The following S100PBP variants were observed in gnomAD, a reference collection of about 807,000 sequenced individuals.
The protein encoded by S100PBP is S100P binding protein.
A neutral mutation model predicts 39.9 loss-of-function variants in S100PBP; 15 were observed. The observed-to-expected ratio is 0.38, with a 90% confidence interval of 0.25 to 0.58. The LOEUF (loss-of-function observed/expected upper bound fraction) is 0.58. S100PBP is among the 20% of genes least tolerant of loss of function. The pLI is 0.70. For synonymous variants in S100PBP, 178 were observed against 180.3 expected, an observed-to-expected ratio of 0.99 and a Z score of 0.10; for missense variants, 504 against 487.3, an observed-to-expected ratio of 1.03 and a Z score of -0.32.
intron 5 of S100PBP, 135 bp from the exon 6 acceptor site, chr1:32,852,944 C>A: frequency 1.6e-6 from 1 of 617,648 alleles, no homozygotes; most frequent in Non-Finnish European, 2.9e-6. Context: ...TTTCTGTGCT[C>A]ACTGCTTGTG....
Position 32,826,883 on chromosome 1 carries a change from T to C in S100PBP, c.784T>C (p.Ser262Pro). ...CTGCAGAAATGGTGGTTCACACAAGTCAAGTTGTGAAATGAGATCTCTGGT... is the reference window on the plus strand; with the variant it reads ...CTGCAGAAATGGTGGTTCACACAAGCCAAGTTGTGAAATGAGATCTCTGGT... ...LSCRNGGSHK[S>P]SCEMRSLVVS... Residue 262 changes from serine to proline, a missense_variant, in exon 3 of 7, where the codon TCA (serine) becomes CCA (proline). Ser to Pro is a moderately conservative substitution (Grantham distance 74, BLOSUM62 -1). Transcript: ENST00000373475. The C allele has an allele frequency of 6.2e-7, 1 of 1,606,764 alleles. No individual in the cohort carries two copies. Among genetic ancestry groups the C allele is most frequent in the South Asian group, 1.1e-5 (1 of 89,158 alleles).
chr1:32,830,654 T>A (rs1639554072), intron 5 of S100PBP, among the ~76,000 whole-genome samples: 2 of 152,196 alleles, frequency 1.3e-5, no homozygotes, highest in Non-Finnish European at 2.9e-5. Context: ...CCTGAACTAT[T>A]GGCTGATGGG....
intron 1 of S100PBP, chr1:32,818,982 G>A (rs1351402684): frequency 1.3e-5 from 2 of 152,258 alleles, no homozygotes; most frequent in East Asian, 3.8e-4. Context: ...GAGCTTGAAA[G>A]AGGATGTGGG....
chr1:32,829,256 C>A (rs1639480502), intron 4 of S100PBP, among the ~76,000 whole-genome samples: 1 of 152,164 alleles, frequency 6.6e-6, no homozygotes, highest in Non-Finnish European at 1.5e-5. Flanking sequence ...ATTGCTCTCA[C>A]CAAGGTCACC....
chr1:32,848,843 G>A (rs17464373), intron 5 of S100PBP, among the ~76,000 whole-genome samples: 15,808 of 152,168 alleles, frequency 0.1, 920 homozygotes, highest in Admixed American at 0.17. Flanking sequence ...AATATTGGGG[G>A]TTTTTCCCTC....
chr1:32,822,529 A>C (rs972648516), intron 1 of S100PBP, among the ~76,000 whole-genome samples: 2 of 149,268 alleles, frequency 1.3e-5, no homozygotes, highest in African/African-American at 2.5e-5. Flanking sequence ...AAGCAGGAGA[A>C]TGGTGTGAAC....
At chr1:32,846,010 G>A (rs1640357746) in intron 5 of S100PBP, among the ~76,000 whole-genome samples, 1 of 150,668 alleles carries the variant, frequency 6.6e-6, no homozygotes, top group South Asian at 2.1e-4. Flanking sequence ...TTTTTTTTGA[G>A]ATGGAGTCTC....
At chr1:32,839,804 C>A (rs191155794) in intron 5 of S100PBP, among the ~76,000 whole-genome samples, 2 of 151,988 alleles carry the variant, frequency 1.3e-5, no homozygotes, top group Non-Finnish European at 2.9e-5. Flanking sequence ...ACCACTGCAC[C>A]CAGACTATTT....
At chr1:32,853,637 G>T (rs112910053) in intron 6 of S100PBP, among the ~76,000 whole-genome samples, 3 of 151,788 alleles carry the variant, frequency 2.0e-5, no homozygotes, top group Admixed American at 6.6e-5. Context: ...AGTAGCTCAC[G>T]CCTGTAATTC....
At chr1:32,822,837 T>C (rs551389947) in intron 1 of S100PBP, among the ~76,000 whole-genome samples, 1 of 152,262 alleles carries the variant, frequency 6.6e-6, no homozygotes, top group East Asian at 1.9e-4. Context: ...TTGCAATGGT[T>C]ACGAAGGATA....
At chr1:32,817,611 C>T (rs1638795633), upstream of S100PBP, 2 of 347,298 alleles carry the variant, frequency 5.8e-6, no homozygotes, top group Admixed American at 4.1e-5. Context: ...TAGGGGAGGT[C>T]GGGGAGGGGG....
At chr1:32,846,571 A>G (rs781499155) in intron 5 of S100PBP, among the ~76,000 whole-genome samples, 1 of 151,626 alleles carries the variant, frequency 6.6e-6, no homozygotes, top group Non-Finnish European at 1.5e-5. Context: ...CTTACTGCCT[A>G]TACCTCTTTG....
intron 2 of S100PBP, among the ~76,000 whole-genome samples, 155 bp from the exon 3 acceptor site, chr1:32,825,943 T>C (rs150272315): frequency 1.3e-5 from 2 of 152,360 alleles, no homozygotes; most frequent in East Asian, 3.9e-4. Flanking sequence ...TATTTCCATG[T>C]TTCTGGTAAG....
intron 5 of S100PBP, among the ~76,000 whole-genome samples, chr1:32,831,445 G>T (rs1305062962): frequency 1.3e-5 from 2 of 151,910 alleles, no homozygotes; most frequent in Non-Finnish European, 2.9e-5. Flanking sequence ...GGTTTTAGGA[G>T]AATTTTTGGT....
At position 32,826,721 on chromosome 1, in the gene S100PBP, A is replaced by C; in HGVS notation, c.622A>C (p.Asn208His). 1.2e-6 allele frequency: 2 copies of C among 1,614,142 alleles called. No homozygotes were observed. Among genetic ancestry groups the C allele is most frequent in the Non-Finnish European group, 1.7e-6 (2 of 1,180,008 alleles). The part of the protein sequence containing the change: ...EGISPNNSAW[N>H]GPQLSSSNNN... The stretch of plus-strand genomic sequence containing the variant: ...GATCAGCCCCAATAACTCTGCCTGG[A>C]ATGGGCCCCAGCTCTCTTCTTCAAA... The change falls in exon 3 of 7, where the codon AAT becomes CAT. Residue 208 changes from asparagine to histidine, a missense_variant. Physicochemically the swap from Asn to His is moderately conservative, Grantham distance 68 (BLOSUM62 1). Coordinates refer to ENST00000373475, the MANE Select transcript of S100PBP (RefSeq NM_022753.4).
At chr1:32,827,390 A>T (rs1019959350) in intron 3 of S100PBP, among the ~76,000 whole-genome samples, 31 of 152,316 alleles carry the variant, frequency 2.0e-4, no homozygotes, top group African/African-American at 7.2e-4. Context: ...TGAATCAGCC[A>T]TGAAAGAGCT....
At chr1:32,827,796 T>G (rs1270922091) in intron 3 of S100PBP, among the ~76,000 whole-genome samples, 197 bp from the exon 4 acceptor site, 1 of 150,420 alleles carries the variant, frequency 6.6e-6, no homozygotes, top group Non-Finnish European at 1.5e-5. Context: ...TTTTTTTTTT[T>G]TTTTTTTTTT....
chr1:32,836,520 T>C (rs777439972), intron 5 of S100PBP: 1 of 976,042 alleles, frequency 1.0e-6, no homozygotes, highest in Non-Finnish European at 1.2e-6. Context: ...CCCAACTAAG[T>C]ATTGTTCACT....
intron 5 of S100PBP, among the ~76,000 whole-genome samples, chr1:32,842,202 AACAT>A (rs1251983476): frequency 8.4e-4 from 71 of 84,920 alleles, no homozygotes; most frequent in African/African-American, 3.1e-3. Flanking sequence ...AAAAAAAAAA[AACAT>A]ATATATATAT....
Sources: allele counts gnomAD v4.1 joint callset (sites outside exome capture counted in the v4.1 genomes callset), GRCh38; gene constraint gnomAD v4.1.1; transcripts MANE v1.5; gene names NCBI Gene and HGNC (gene_info 2026-07-23, HGNC 2026-07-21).